Variants in SEMA5A observed in about 807,000 individuals in gnomAD.
SEMA5A encodes semaphorin 5A.
Under a neutral mutation model 135.5 loss-of-function variants are expected in SEMA5A, and 55 were observed. The observed-to-expected ratio is 0.41, with a 90% CI of 0.33 to 0.51. SEMA5A has a LOEUF of 0.51. SEMA5A is among the 20% of genes least tolerant of loss of function. SEMA5A has a pLI of 0.37. For synonymous variants in SEMA5A, 580 were observed against 546.5 expected (o/e 1.06, Z -0.85); for missense variants, 1,290 against 1,419.9 (o/e 0.91, Z 1.47).
intron 15 of SEMA5A, among the ~76,000 whole-genome samples, chr5:9,114,083 T>C (rs1296591397): frequency 6.6e-6 from 1 of 152,184 alleles, no homozygotes; most frequent in Non-Finnish European, 1.5e-5. Context: ...ATAAACAAAA[T>C]GTGGTATAGC....
chr5:9,100,431 TG>T (rs1560915168), intron 16 of SEMA5A, among the ~76,000 whole-genome samples: 1 of 152,144 alleles, frequency 6.6e-6, no homozygotes, highest in East Asian at 1.9e-4. Context: ...AGGAGACTGC[TG>T]GGTTAGTGAA....
intron 2 of SEMA5A, among the ~76,000 whole-genome samples, chr5:9,408,073 C>CACCACAATCACT (rs1756963441): frequency 6.6e-6 from 1 of 151,878 alleles, no homozygotes; most frequent in African/African-American, 2.4e-5. Context: ...CACCACACCA[C>CACCACAATCACT]ACCACAATCA....
chr5:9,472,597 G>A (rs1269501059), intron 1 of SEMA5A, among the ~76,000 whole-genome samples: 4 of 151,992 alleles, frequency 2.6e-5, no homozygotes, highest in African/African-American at 7.2e-5. Context: ...GGGTTGGGAG[G>A]TGATGAGGAA....
chr5:9,100,061 T>C (rs1739540401), intron 16 of SEMA5A, among the ~76,000 whole-genome samples: 1 of 152,224 alleles, frequency 6.6e-6, no homozygotes, highest in Non-Finnish European at 1.5e-5. Flanking sequence ...TAAATAAATA[T>C]GCCTGGCAGA....
At chr5:9,066,273 G>A in intron 17 of SEMA5A, 148 bp downstream of exon 17, 1 of 719,030 alleles carries the variant, frequency 1.4e-6, no homozygotes, top group Non-Finnish European at 2.4e-6. Flanking sequence ...CCTACAGTCA[G>A]TTGTGCTCTA....
intron 5 of SEMA5A, among the ~76,000 whole-genome samples, chr5:9,294,553 C>T (rs1347372371): frequency 6.6e-6 from 1 of 152,220 alleles, no homozygotes; most frequent in Non-Finnish European, 1.5e-5. Flanking sequence ...TGTCTCAATA[C>T]CTAGTGCTGT....
At chr5:9,505,635 C>G (rs1049429556) in intron 1 of SEMA5A, among the ~76,000 whole-genome samples, 3 of 152,168 alleles carry the variant, frequency 2.0e-5, no homozygotes, top group Admixed American at 6.5e-5. Flanking sequence ...AATGCCAGAA[C>G]CCAAACATAG....
chr5:9,240,795 A>T (rs796144797), intron 5 of SEMA5A, among the ~76,000 whole-genome samples: 2 of 152,190 alleles, frequency 1.3e-5, no homozygotes, highest in African/African-American at 4.8e-5. Context: ...ATTATAGAAC[A>T]AGTCTCACTA....
rs1330590184 is a variant in SEMA5A, at chr5:9,066,502, G to T, written c.2218C>A (p.Pro740Thr). Residue 740 changes from proline (P) to threonine (T), a missense_variant, in exon 17 of 23, where the codon CCG (proline) becomes ACG (threonine). Around this residue, in one of 3 missense-constraint regions of SEMA5A, gnomAD observed 1,029 missense variants for 1,086.6 expected, o/e 0.95. Coordinates refer to ENST00000382496, the MANE Select transcript of SEMA5A (RefSeq NM_003966.3). ...TGTCTTCCCACTTCCAGCAAATTCGGATCAGCCAGGCGGGCTTTGCATGTG... is the reference window on the plus strand; with the variant it reads ...TGTCTTCCCACTTCCAGCAAATTCGTATCAGCCAGGCGGGCTTTGCATGTG... The part of the protein sequence containing the change: ...RYTCKARLAD[P>T]NLLEVGRQRI... 2 of 1,614,086 alleles carry T rather than the reference G, an allele frequency of 1.2e-6. No individual in the cohort carries two copies. The highest frequency in any genetic ancestry group is 1.7e-6 in the Non-Finnish European group (2 of 1,180,024).
chr5:9,205,109 A>T lies in SEMA5A; in HGVS notation c.647-2869T>A, dbSNP rs139567864. The stretch of plus-strand genomic sequence containing the variant: ...AAAAATAAATAGTGCTTGCAAAAAG[A>T]AAACAATCAAAAGCTAGCAATATTC... On this transcript the variant is annotated intron_variant, in intron 8 of 22. Transcript: ENST00000382496. Among the ~76,000 whole-genome samples the T allele has an allele frequency of 5.8e-3, 877 of 152,320 alleles. 10 individuals carry two copies. Among genetic ancestry groups the T allele is most frequent in the African/African-American group, 0.02 (835 of 41,558 alleles).
intron 15 of SEMA5A, among the ~76,000 whole-genome samples, chr5:9,114,052 G>A (rs1387608496): frequency 6.6e-6 from 1 of 152,178 alleles, no homozygotes; most frequent in African/African-American, 2.4e-5. Context: ...TATACCAAGT[G>A]TCCACTGATG....
At chr5:9,258,578 G>C (rs914147800) in intron 5 of SEMA5A, among the ~76,000 whole-genome samples, 97 of 152,032 alleles carry the variant, frequency 6.4e-4, no homozygotes, top group African/African-American at 2.1e-3. Flanking sequence ...CAAAGAGCTG[G>C]GCTGAATCCT....
At position 9,281,809 on chromosome 5, in the gene SEMA5A, T is replaced by C. The variant is rs545559392; in HGVS notation, c.270+36563A>G. On this transcript the variant is annotated intron_variant, in intron 5 of 22. Coordinates refer to ENST00000382496, the MANE Select transcript of SEMA5A (RefSeq NM_003966.3). ...ATCAGTCAATAATTTCATAACCTCT[T>C]TGGGATACAGGCACTTTTTTTTTTT... Among the ~76,000 whole-genome samples the C allele has an allele frequency of 2.3e-4, 33 of 145,828 alleles. No individual in the cohort carries two copies. The South Asian group carries it at 7.3e-3, about 32-fold the overall frequency.
intron 13 of SEMA5A, among the ~76,000 whole-genome samples, chr5:9,133,580 A>G (rs1579453235): frequency 6.6e-6 from 1 of 152,250 alleles, no homozygotes; most frequent in East Asian, 1.9e-4. Context: ...ATCACATCTC[A>G]GCTTTATTTT....
chr5:9,425,898 C>T (rs1757630817), intron 2 of SEMA5A, among the ~76,000 whole-genome samples: 2 of 152,162 alleles, frequency 1.3e-5, no homozygotes, highest in Admixed American at 1.3e-4. Flanking sequence ...CTGGGCTCAG[C>T]CATGCAGGAG....
intron 5 of SEMA5A, among the ~76,000 whole-genome samples, chr5:9,313,098 G>A (rs1322576933): frequency 6.6e-6 from 1 of 152,180 alleles, no homozygotes; most frequent in African/African-American, 2.4e-5. Context: ...GGACAATGCA[G>A]TGGGGTCTCC....
chr5:9,053,784 T>C, intron 19 of SEMA5A: 1 of 248,248 alleles, frequency 4.0e-6, no homozygotes, highest in Non-Finnish European at 7.7e-6. Flanking sequence ...GGATGTTTCC[T>C]AATTAGGGAG....
chr5:9,414,017 T>C (rs560431740), intron 2 of SEMA5A, among the ~76,000 whole-genome samples: 1 of 152,224 alleles, frequency 6.6e-6, no homozygotes. Flanking sequence ...TTTTTTTCAA[T>C]CTGGGAGGAT....
chr5:9,244,117 G>C (rs944272300), intron 5 of SEMA5A, among the ~76,000 whole-genome samples: 3 of 152,122 alleles, frequency 2.0e-5, no homozygotes, highest in African/African-American at 7.2e-5. Flanking sequence ...GTGCAGCCAG[G>C]GTATGATATA....
Sources: gnomAD v4.1 joint callset for allele counts (sites outside exome capture counted in the v4.1 genomes callset) on GRCh38, gnomAD v4.1.1 for gene constraint, gnomAD v4.1.1 regional missense constraint, MANE v1.5 for transcripts, NCBI Gene and HGNC (gene_info 2026-07-23, HGNC 2026-07-21) for gene names.